The following CD38 variants were observed in gnomAD, a reference collection of about 807,000 sequenced individuals.
CD38 encodes CD38 molecule, also known as ADP-ribosyl cyclase/cyclic ADP-ribose hydrolase 1.
CD38 carries 31 observed loss-of-function variants against 36.3 expected under a neutral mutation model. The ratio of observed to expected loss-of-function variants is 0.85; its 90% CI spans 0.64 to 1.15. The LOEUF (loss-of-function observed/expected upper bound fraction) is 1.15. CD38 is among the 50% of genes most tolerant of loss of function. The pLI, the probability that CD38 is intolerant of heterozygous loss-of-function variation, is 0.00. For synonymous variants in CD38, 131 were observed against 135.2 expected (o/e 0.97, Z 0.22); for missense variants, 380 against 371.9 (o/e 1.02, Z -0.18).
chr4:15,837,789 T>C (rs1313395482), intron 4 of CD38, among the ~76,000 whole-genome samples: 1 of 152,154 alleles, frequency 6.6e-6, no homozygotes, highest in Non-Finnish European at 1.5e-5. Context: ...ATCTTCCCCC[T>C]CTAGACATTC....
At chr4:15,807,894 C>T (rs142182480) in intron 1 of CD38, among the ~76,000 whole-genome samples, 47 of 152,322 alleles carry the variant, frequency 3.1e-4, no homozygotes, top group African/African-American at 1.0e-3. Context: ...CTGTACAATT[C>T]TCTATGGAAT....
intron 1 of CD38, among the ~76,000 whole-genome samples, chr4:15,810,696 G>A (rs1367760135): frequency 6.6e-6 from 1 of 152,178 alleles, no homozygotes; most frequent in African/African-American, 2.4e-5. Context: ...AAAGGCAAGT[G>A]TGGATGAAGT....
rs1271976832 is a variant in CD38, at chr4:15,851,475, G to C, written c.*2873G>C. 1.3e-5 allele frequency: 2 copies of C among 152,156 alleles called. No homozygotes were observed. The highest frequency in any genetic ancestry group is 4.8e-5 in the African/African-American group (2 of 41,410). The allele number at this position is 152,156 out of a possible 1,614,324, so 9.4% of individuals were successfully genotyped here. Reference sequence around the variant, plus strand: ...CCACCATCATGCTTACCCAAAGGCTGTGGGAATGACCTGGGCCCTAATGCC... The same window carrying C: ...CCACCATCATGCTTACCCAAAGGCTCTGGGAATGACCTGGGCCCTAATGCC... On this transcript the variant is annotated 3_prime_UTR_variant, in exon 8 of 8. Coordinates refer to ENST00000226279, the MANE Select transcript of CD38 (RefSeq NM_001775.4).
At chr4:15,794,220 C>A (rs947395675) in intron 1 of CD38, among the ~76,000 whole-genome samples, 3 of 152,232 alleles carry the variant, frequency 2.0e-5, no homozygotes, top group African/African-American at 4.8e-5. Flanking sequence ...CTTGCCTAAG[C>A]AAGTGGATGG....
At chr4:15,790,017 G>A (rs1722923755) in intron 1 of CD38, among the ~76,000 whole-genome samples, 1 of 152,164 alleles carries the variant, frequency 6.6e-6, no homozygotes, top group South Asian at 2.1e-4. Flanking sequence ...CCTAAAGAAA[G>A]AGGGAGAGTG....
At chr4:15,824,213 G>T (rs894424041) in intron 2 of CD38, among the ~76,000 whole-genome samples, 1 of 151,998 alleles carries the variant, frequency 6.6e-6, no homozygotes. Context: ...TAATACCTAG[G>T]TGATGGGTTA....
chr4:15,825,048 G>A (rs1723819236), intron 3 of CD38, 32 bp downstream of exon 3: 2 of 1,574,460 alleles, frequency 1.3e-6, no homozygotes, highest in South Asian at 1.1e-5. Context: ...GATTGCCCAG[G>A]GATGTGGAGG....
intron 2 of CD38, 48 bp downstream of exon 2, chr4:15,816,688 T>C: frequency 2.5e-6 from 4 of 1,601,548 alleles, no homozygotes; most frequent in Non-Finnish European, 3.4e-6. Flanking sequence ...TAAAAGCCAA[T>C]GGTAACAATT....
At chr4:15,812,965 T>G (rs1577647605) in intron 1 of CD38, among the ~76,000 whole-genome samples, 1 of 152,350 alleles carries the variant, frequency 6.6e-6, no homozygotes, top group East Asian at 1.9e-4. Flanking sequence ...ACACTGATTT[T>G]GTAACCTGAA....
chr4:15,804,143 G>A (rs1723290232), intron 1 of CD38, among the ~76,000 whole-genome samples: 2 of 151,984 alleles, frequency 1.3e-5, no homozygotes, highest in African/African-American at 2.4e-5. Context: ...TTTTTTGGTA[G>A]AACAATTTAT....
intron 3 of CD38, chr4:15,825,308 G>A (rs1166109315): frequency 1.4e-5 from 5 of 352,436 alleles, no homozygotes; most frequent in African/African-American, 8.3e-5. Context: ...TGGAGAAGGG[G>A]AAGGGGAGCT....
At chr4:15,791,606 G>A (rs1444093970) in intron 1 of CD38, among the ~76,000 whole-genome samples, 3 of 92,936 alleles carry the variant, frequency 3.2e-5, no homozygotes, top group South Asian at 3.5e-4. Context: ...CCGGCCAGCC[G>A]CCCCGTCCGG....
At chr4:15,836,519 T>C (rs1240150058) in intron 4 of CD38, among the ~76,000 whole-genome samples, 1 of 152,194 alleles carries the variant, frequency 6.6e-6, no homozygotes, top group African/African-American at 2.4e-5. Flanking sequence ...GTCATTCCCA[T>C]TGAGTCATCC....
intron 1 of CD38, among the ~76,000 whole-genome samples, chr4:15,807,430 A>G (rs1382210456): frequency 2.6e-5 from 4 of 152,188 alleles, no homozygotes. Context: ...ATGGTCTATC[A>G]TGGTGATAGG....
chr4:15,834,277 T>C lies in CD38; in HGVS notation c.560T>C (p.Val187Ala). Residue 187 changes from valine (V) to alanine (A), a missense_variant, in exon 4 of 8, where the codon GTA (valine) becomes GCA (alanine). Coordinates refer to ENST00000226279, the MANE Select transcript of CD38 (RefSeq NM_001775.4). ...RKDCSNNPVS[V>A]FWKTVSRRFA... ...GACTGCAGCAACAACCCTGTTTCAG[T>C]ATTCTGGAAAACGGTTTCCCGCAGG... The C allele has an allele frequency of 6.2e-7, 1 of 1,612,820 alleles. No individual in the cohort carries two copies. Among genetic ancestry groups the C allele is most frequent in the Non-Finnish European group, 8.5e-7 (1 of 1,178,730 alleles).
chr4:15,801,070 G>A (rs959344188), intron 1 of CD38, among the ~76,000 whole-genome samples: 1 of 151,776 alleles, frequency 6.6e-6, no homozygotes, highest in Non-Finnish European at 1.5e-5. Context: ...GAAAAAAGAG[G>A]GAAGAACCAA....
At chr4:15,822,788 C>T (rs1055097022) in intron 2 of CD38, among the ~76,000 whole-genome samples, 1 of 152,046 alleles carries the variant, frequency 6.6e-6, no homozygotes, top group African/African-American at 2.4e-5. Context: ...AGTGCTATTC[C>T]CATTAAACTA....
At chr4:15,836,539 G>A (rs1724073151) in intron 4 of CD38, among the ~76,000 whole-genome samples, 1 of 152,184 alleles carries the variant, frequency 6.6e-6, no homozygotes, top group South Asian at 2.1e-4. Context: ...CCCATAGGTA[G>A]TGTGACAAAT....
chr4:15,807,073 G>T (rs1351867914), intron 1 of CD38, among the ~76,000 whole-genome samples: 1 of 152,160 alleles, frequency 6.6e-6, no homozygotes, highest in Non-Finnish European at 1.5e-5. Context: ...AGGTGGGTTT[G>T]TTGCTCTCTG....
Sources: gnomAD v4.1 joint callset for allele counts (sites outside exome capture counted in the v4.1 genomes callset) on GRCh38, gnomAD v4.1.1 for gene constraint, MANE v1.5 for transcripts, NCBI Gene and HGNC (gene_info 2026-07-23, HGNC 2026-07-21) for gene names.